Variants in ZNF25 observed in about 807,000 individuals in gnomAD.
ZNF25 encodes the protein zinc finger protein 25.
ZNF25 carries 21 observed loss-of-function variants against 30.9 expected under a neutral mutation model. The observed-to-expected ratio is 0.68, with a 90% confidence interval of 0.48 to 0.98. ZNF25 has a LOEUF of 0.98. Ranked by LOEUF, ZNF25 falls within the 50% of genes least tolerant of loss-of-function variation. The pLI is 0.00. For missense variants in ZNF25, 501 were observed against 529.9 expected (o/e 0.95, Z 0.54); for synonymous variants, 169 against 181.3 (o/e 0.93, Z 0.55).
chr10:37,959,916 T>TG lies in ZNF25; in HGVS notation c.16-2371_16-2370insC, dbSNP rs1554887146. Among the ~76,000 whole-genome samples, 3 of 151,816 alleles carry TG rather than the reference T, an allele frequency of 2.0e-5. No homozygotes were observed. The South Asian group carries it at 6.2e-4, about 32-fold the overall frequency. On this transcript the variant is annotated intron_variant, in intron 2 of 5. Coordinates refer to ENST00000302609, the MANE Select transcript of ZNF25 (RefSeq NM_145011.4). ...TGAGCCACCATGCCCAACCGGTTTT[T>TG]TTGTTGTTGTTGTTTTAAAACGGAG...
At chr10:37,972,832 C>T (rs970595868) in intron 1 of ZNF25, among the ~76,000 whole-genome samples, 18 of 152,062 alleles carry the variant, frequency 1.2e-4, no homozygotes, top group African/African-American at 4.3e-4. Context: ...AGAACTGATA[C>T]ATGAACTCAG....
In ZNF25 at chr10:37,951,489, A is replaced by C. The variant is rs1373075956; in HGVS notation, c.*638T>G. The C allele has an allele frequency of 6.6e-6, 1 of 152,224 alleles. No individual in the cohort carries two copies. Among genetic ancestry groups the C allele is most frequent in the Non-Finnish European group, 1.5e-5 (1 of 68,032 alleles). The allele number at this position is 152,224 out of a possible 1,614,324, so 9.4% of individuals were successfully genotyped here. On this transcript the variant is annotated 3_prime_UTR_variant, in exon 6 of 6. Transcript: ENST00000302609. ...TGCAGGTTTCCTTTTAAAATAGAGCAATCTCGGCATCAGATCTGCAACATG... is the reference window on the plus strand; with the variant it reads ...TGCAGGTTTCCTTTTAAAATAGAGCCATCTCGGCATCAGATCTGCAACATG...
At chr10:37,953,546 A>T in intron 5 of ZNF25, 149 bp downstream of exon 5, 1 of 719,072 alleles carries the variant, frequency 1.4e-6, no homozygotes, top group Non-Finnish European at 2.3e-6. Context: ...GAAAAGGGGC[A>T]GTCCCATTTG....
intron 2 of ZNF25, among the ~76,000 whole-genome samples, chr10:37,965,289 G>T (rs975359564): frequency 1.3e-5 from 2 of 152,064 alleles, no homozygotes; most frequent in Non-Finnish European, 2.9e-5. Flanking sequence ...CCCCCACTGG[G>T]GTACTGCCTA....
chr10:37,957,129 A>G lies in ZNF25; in HGVS notation c.143-14T>C. On this transcript the variant is annotated splice_polypyrimidine_tract_variant and intron_variant, in intron 3 of 5. Coordinates refer to ENST00000302609, the MANE Select transcript of ZNF25 (RefSeq NM_145011.4). Reference sequence around the variant, plus strand: ...TCACATGGTAACCTATGAATGGAAAATATCAAGGAAATGATACAAATTGCT... The same window carrying G: ...TCACATGGTAACCTATGAATGGAAAGTATCAAGGAAATGATACAAATTGCT... The G allele has an allele frequency of 5.6e-6, 9 of 1,607,012 alleles. No individual in the cohort carries two copies. Among genetic ancestry groups the G allele is most frequent in the Non-Finnish European group, 7.7e-6 (9 of 1,174,170 alleles).
intron 2 of ZNF25, among the ~76,000 whole-genome samples, chr10:37,961,679 T>C (rs1176036608): frequency 6.6e-6 from 1 of 151,290 alleles, no homozygotes; most frequent in East Asian, 1.9e-4. Flanking sequence ...CCCAGCACTT[T>C]GGGAGGCCGA....
At chr10:37,973,813 G>C (rs1290278966) in intron 1 of ZNF25, among the ~76,000 whole-genome samples, 1 of 151,904 alleles carries the variant, frequency 6.6e-6, no homozygotes, top group African/African-American at 2.4e-5. Context: ...CAAAGACCCC[G>C]AGTAGCCAAA....
intron 4 of ZNF25, 75 bp downstream of exon 4, chr10:37,956,945 G>GC: frequency 1.1e-6 from 1 of 913,540 alleles, no homozygotes; most frequent in South Asian, 1.6e-5. Context: ...GTGAGAGATT[G>GC]CCGAAAAGTA....
chr10:37,971,641 A>ACG, intron 2 of ZNF25, 67 bp downstream of exon 2: 1 of 1,468,056 alleles, frequency 6.8e-7, no homozygotes, highest in South Asian at 1.2e-5. Flanking sequence ...ACACACACAC[A>ACG]CACACACACA....
In ZNF25 at chr10:37,957,539, A is replaced by G. The variant is rs1432222599; in HGVS notation, c.23T>C (p.Val8Ala). The G allele has an allele frequency of 6.2e-7, 1 of 1,613,036 alleles. No individual in the cohort carries two copies. The highest frequency in any genetic ancestry group is 1.7e-5 in the Admixed American group (1 of 59,834). Residue 8 changes from valine (V) to alanine (A), a missense_variant, in exon 3 of 6, where the codon GTG becomes GCG. Val to Ala is a moderately conservative substitution (Grantham distance 64). Coordinates refer to ENST00000302609, the MANE Select transcript of ZNF25 (RefSeq NM_145011.4). ...TTCCACAATAACATCCTTTAATGTC[A>G]CGGGTCCCTGGAATAACATACTTCA... MNKFQGP[V>A]TLKDVIVEFT...
At position 37,950,566 on chromosome 10, in the gene ZNF25, ATTT is replaced by A. The variant is rs34503699; in HGVS notation, c.*1558_*1560del. On this transcript the variant is annotated 3_prime_UTR_variant, in exon 6 of 6. Coordinates refer to ENST00000302609, the MANE Select transcript of ZNF25 (RefSeq NM_145011.4). ...GGGGAATGAATGTTGGGTAGCCAAC[ATTT>A]TTTTTTTTTTTGCAGCGTAATTCAC... 35 of 146,606 alleles carry A rather than the reference ATTT, an allele frequency of 2.4e-4. No homozygotes were observed. Among genetic ancestry groups the A allele is most frequent in the East Asian group, 7.9e-4 (4 of 5,042 alleles). 9.1% of individuals were successfully genotyped at this position (146,606 alleles called of 1,614,324 possible).
intron 2 of ZNF25, among the ~76,000 whole-genome samples, chr10:37,964,901 C>T (rs1405375471): frequency 6.6e-6 from 1 of 152,192 alleles, no homozygotes; most frequent in Non-Finnish European, 1.5e-5. Flanking sequence ...TGCCTTCCAT[C>T]ACAGGCCCAG....
chr10:37,954,960 C>T (rs893803842), intron 4 of ZNF25, among the ~76,000 whole-genome samples: 1 of 152,008 alleles, frequency 6.6e-6, no homozygotes, highest in African/African-American at 2.4e-5. Flanking sequence ...TCGAGACCAG[C>T]CTGACCAACA....
chr10:37,958,368 C>T (rs1356657329), intron 2 of ZNF25, among the ~76,000 whole-genome samples: 1 of 152,084 alleles, frequency 6.6e-6, no homozygotes, highest in Non-Finnish European at 1.5e-5. Flanking sequence ...GTTTAGGAAA[C>T]CACATATAAT....
In ZNF25 at chr10:37,971,824, T is replaced by C. The variant is rs555771056; in HGVS notation, c.-85-17A>G. The C allele has an allele frequency of 6.6e-7, 1 of 1,517,856 alleles. No homozygotes were observed. The highest frequency in any genetic ancestry group is 9.1e-7 in the Non-Finnish European group (1 of 1,094,904). The allele number at this position is 1,517,856 out of a possible 1,614,324, so 94.0% of individuals were successfully genotyped here. ...AGGAATCACCTGTGAGAAATTTCCATACAACATTTTAGTAAAATATATACC... is the reference window on the plus strand; with the variant it reads ...AGGAATCACCTGTGAGAAATTTCCACACAACATTTTAGTAAAATATATACC... On this transcript the variant is annotated splice_polypyrimidine_tract_variant and intron_variant, in intron 1 of 5. Transcript: ENST00000302609.
intron 2 of ZNF25, among the ~76,000 whole-genome samples, chr10:37,969,591 T>C (rs754670562): frequency 1.3e-5 from 2 of 152,260 alleles, no homozygotes; most frequent in Middle Eastern, 6.8e-3. Context: ...AACATATTAG[T>C]GGTTGCCAGG....
chr10:37,970,739 T>G (rs1300857320), intron 2 of ZNF25, among the ~76,000 whole-genome samples: 1 of 152,210 alleles, frequency 6.6e-6, no homozygotes, highest in Non-Finnish European at 1.5e-5. Flanking sequence ...CTCTCTAGCT[T>G]CAATATCCTA....
intron 2 of ZNF25, among the ~76,000 whole-genome samples, chr10:37,964,580 T>C (rs563729808): frequency 2.0e-5 from 3 of 152,194 alleles, no homozygotes; most frequent in Admixed American, 2.0e-4. Flanking sequence ...ACTGATGACC[T>C]AGGGTATCTG....
chr10:37,959,395 G>GA (rs1362720804), intron 2 of ZNF25, among the ~76,000 whole-genome samples: 1 of 152,198 alleles, frequency 6.6e-6, no homozygotes, highest in African/African-American at 2.4e-5. Flanking sequence ...ACCACTGGGA[G>GA]AAAGGGGGAG....
Sources: allele counts gnomAD v4.1 joint callset (sites outside exome capture counted in the v4.1 genomes callset), GRCh38; gene constraint gnomAD v4.1.1; transcripts MANE v1.5; gene names NCBI Gene and HGNC (gene_info 2026-07-23, HGNC 2026-07-21).